PCDHGA8: variants seen among roughly 807,000 people sequenced by gnomAD.
The protein encoded by PCDHGA8 is protocadherin gamma subfamily A, 8, also known as protocadherin gamma-A8.
A neutral mutation model predicts 59.2 loss-of-function variants in PCDHGA8; 45 were observed. The observed-to-expected ratio is 0.76, with a 90% CI of 0.60 to 0.98. The LOEUF (loss-of-function observed/expected upper bound fraction) is 0.98. PCDHGA8 is among the 50% of genes least tolerant of loss of function. PCDHGA8 has a pLI of 0.00. For synonymous variants in PCDHGA8, 531 were observed against 519.0 expected, an observed-to-expected ratio of 1.02 and a Z score of -0.32; for missense variants, 1,257 against 1,196.2, an observed-to-expected ratio of 1.05 and a Z score of -0.75.
chr5:141,431,582 G>A lies in PCDHGA8; in HGVS notation c.2424+36345G>A. On this transcript the variant is annotated intron_variant, in intron 1 of 3. Coordinates refer to ENST00000398604, the MANE Select transcript of PCDHGA8 (RefSeq NM_032088.2). The surrounding 1 kb of genome is among the most constrained non-coding windows in gnomAD (Gnocchi z 4.8). Reference sequence around the variant, plus strand: ...TACCGACCCTGACGAAGGAGTCAATGCGGAAGTGAGGTATTCCTTCCGGTA... The same window carrying A: ...TACCGACCCTGACGAAGGAGTCAATACGGAAGTGAGGTATTCCTTCCGGTA... The A allele has an allele frequency of 6.2e-7, 1 of 1,614,210 alleles. No homozygotes were observed. Among genetic ancestry groups the A allele is most frequent in the Non-Finnish European group, 8.5e-7 (1 of 1,180,036 alleles).
chr5:141,492,833 C>T (rs951935267), intron 1 of PCDHGA8, among the ~76,000 whole-genome samples: 2 of 152,222 alleles, frequency 1.3e-5, no homozygotes, highest in African/African-American at 4.8e-5. Flanking sequence ...CCCTTCCTCC[C>T]GCAGGAAGTG....
At chr5:141,441,725 C>T (rs2098268012) in intron 1 of PCDHGA8, 3 of 352,332 alleles carry the variant, frequency 8.5e-6, no homozygotes. Flanking sequence ...AGGCCCGCGA[C>T]CAGGACTAGC....
At chr5:141,414,948 G>A (rs957548133) in intron 1 of PCDHGA8, 20 of 1,614,084 alleles carry the variant, frequency 1.2e-5, no homozygotes, top group South Asian at 2.2e-5. Flanking sequence ...CCGGCTACCT[G>A]GTGACCAAGG....
At chr5:141,508,096 G>A (rs1489615862) in intron 3 of PCDHGA8, 1 of 152,476 alleles carries the variant, frequency 6.6e-6, no homozygotes, top group African/African-American at 2.4e-5. Context: ...CCTTGGCCCT[G>A]GGATGGGGTA....
chr5:141,427,743 T>A, intron 1 of PCDHGA8: 5 of 1,249,166 alleles, frequency 4.0e-6, no homozygotes, highest in Non-Finnish European at 5.8e-6. Context: ...CCAAGTCTCC[T>A]ACTCCATCGT....
intron 1 of PCDHGA8, chr5:141,419,557 G>T: frequency 2.5e-6 from 4 of 1,611,872 alleles, no homozygotes; most frequent in Middle Eastern, 1.7e-4. Context: ...TGTACCCTGC[G>T]CTGGGTCCCG....
intron 1 of PCDHGA8, among the ~76,000 whole-genome samples, chr5:141,447,405 T>C (rs1045202682): frequency 6.6e-6 from 1 of 152,068 alleles, no homozygotes; most frequent in Non-Finnish European, 1.5e-5. Context: ...CCCAAAGTGC[T>C]GGGATTACAG....
Position 141,491,900 on chromosome 5 carries a change from G to A in PCDHGA8, c.2425-2907G>A, listed in dbSNP as rs1268804496. 7.0e-7 allele frequency: 1 copy of A among 1,429,818 alleles called. No individual in the cohort carries two copies. Among genetic ancestry groups the A allele is most frequent in the East Asian group, 2.5e-5 (1 of 39,444 alleles). The allele number at this position is 1,429,818 out of a possible 1,614,324, so 88.6% of individuals were successfully genotyped here. A position where few individuals can be genotyped will look rare whatever the true frequency, so the allele number is the denominator to read the frequency against. ...TAAGGGATGGGGCTCCGAGCACCGGGGGTGGTGGCGACTGTGGGCGAGGGG... is the reference window on the plus strand; with the variant it reads ...TAAGGGATGGGGCTCCGAGCACCGGAGGTGGTGGCGACTGTGGGCGAGGGG... On this transcript the variant is annotated intron_variant, in intron 1 of 3. Coordinates refer to ENST00000398604, the MANE Select transcript of PCDHGA8 (RefSeq NM_032088.2). This position sits in a 1 kb window ranked among gnomAD's most constrained non-coding sequence, Gnocchi z 6.9.
chr5:141,436,591 G>A (rs903125499), intron 1 of PCDHGA8, among the ~76,000 whole-genome samples: 8 of 152,154 alleles, frequency 5.3e-5, no homozygotes, highest in Non-Finnish European at 1.0e-4. Context: ...TTGAAAGGTC[G>A]TGGTGATGGC....
rs1591273286 is a variant in PCDHGA8, at chr5:141,433,311, T to A, written c.2424+38074T>A. 11 of 870,402 alleles carry A rather than the reference T, an allele frequency of 1.3e-5. No individual in the cohort carries two copies. The East Asian group carries it at 2.9e-4, about 23-fold the overall frequency. 53.9% of individuals were successfully genotyped at this position (870,402 alleles called of 1,614,324 possible). A position where few individuals can be genotyped will look rare whatever the true frequency, so the allele number is the denominator to read the frequency against. On this transcript the variant is annotated intron_variant, in intron 1 of 3. Coordinates refer to ENST00000398604, the MANE Select transcript of PCDHGA8 (RefSeq NM_032088.2). Reference sequence around the variant, plus strand: ...TAGGCTCAAGCAATTATCCCACCTTTGCCTCCGGTGTAACAGGGACTACAG... The same window carrying A: ...TAGGCTCAAGCAATTATCCCACCTTAGCCTCCGGTGTAACAGGGACTACAG...
intron 1 of PCDHGA8, chr5:141,430,643 T>C (rs1432236231): frequency 2.1e-6 from 2 of 947,068 alleles, no homozygotes; most frequent in Non-Finnish European, 3.0e-6. Context: ...CCTGGGAGTA[T>C]GTGGAAACAA....
At chr5:141,461,063 C>T (rs1472437531) in intron 1 of PCDHGA8, among the ~76,000 whole-genome samples, 1 of 151,796 alleles carries the variant, frequency 6.6e-6, no homozygotes, top group Non-Finnish European at 1.5e-5. Flanking sequence ...GTTGGTTTCA[C>T]ATTTTTGCAA....
intron 1 of PCDHGA8, among the ~76,000 whole-genome samples, chr5:141,400,911 CAAAG>C (rs1162228499): frequency 6.6e-6 from 1 of 152,176 alleles, no homozygotes; most frequent in Non-Finnish European, 1.5e-5. Flanking sequence ...TCTTTTAAAG[CAAAG>C]AAACTGCTAG....
At position 141,420,439 on chromosome 5, in the gene PCDHGA8, C is replaced by T. The variant is rs2096496531; in HGVS notation, c.2424+25202C>T. ...TTAAAACAAAAGTTTAAATTAAATGCCTCAGTCTTCCTACTATTCAAAGAC... is the reference window on the plus strand; with the variant it reads ...TTAAAACAAAAGTTTAAATTAAATGTCTCAGTCTTCCTACTATTCAAAGAC... On this transcript the variant is annotated intron_variant, in intron 1 of 3. Coordinates refer to ENST00000398604, the MANE Select transcript of PCDHGA8 (RefSeq NM_032088.2). 10 of 1,073,160 alleles carry T rather than the reference C, an allele frequency of 9.3e-6. No individual in the cohort carries two copies. In the South Asian group the frequency reaches 2.0e-4, roughly 22 times the overall value. The allele number at this position is 1,073,160 out of a possible 1,614,324, so 66.5% of individuals were successfully genotyped here.
rs748972821 is a variant in PCDHGA8 at position 141,476,094 on chromosome 5, GAGAGGAACT to G, written c.2425-18712_2425-18704del. ...TCTCAGGGACGATCTGGACCCCGCT[GAGAGGAACT>G]GCTTTTGAGTGAGATGGTCCCAGAG... is the stretch of plus-strand genomic sequence containing the variant. On this transcript the variant is annotated intron_variant, in intron 1 of 3. Coordinates refer to ENST00000398604, the MANE Select transcript of PCDHGA8 (RefSeq NM_032088.2). This position sits in a 1 kb window ranked among gnomAD's most constrained non-coding sequence, Gnocchi z 7.6. 6.4e-7 allele frequency: 1 copy of G among 1,568,172 alleles called. No individual in the cohort carries two copies. The highest frequency in any genetic ancestry group is 1.2e-5 in the South Asian group (1 of 85,292).
intron 1 of PCDHGA8, chr5:141,441,530 A>T (rs2154559371): frequency 5.8e-6 from 1 of 172,118 alleles, no homozygotes; most frequent in Non-Finnish European, 1.2e-5. Flanking sequence ...GCCAAGAACA[A>T]TCTTCCCAAA....
At chr5:141,508,792 C>T (rs1198342551) in intron 3 of PCDHGA8, among the ~76,000 whole-genome samples, 3 of 152,130 alleles carry the variant, frequency 2.0e-5, no homozygotes, top group Admixed American at 6.5e-5. Flanking sequence ...CTAAATCACT[C>T]TGGAATCCTG....
chr5:141,455,550 G>C lies in PCDHGA8; in HGVS notation c.2425-39257G>C, dbSNP rs1195359804. On this transcript the variant is annotated intron_variant, in intron 1 of 3. Transcript: ENST00000398604. ...ACCAGGCATATCATTCACGTAGCCC[G>C]AGAAAAAGCTGGCCCTCCCACCCCA... 2.0e-5 allele frequency among the ~76,000 whole-genome samples: 3 copies of C among 152,138 alleles called. No individual in the cohort carries two copies. In the South Asian group the frequency reaches 6.2e-4, roughly 32 times the overall value.
chr5:141,473,680 C>T (rs888876529), intron 1 of PCDHGA8, among the ~76,000 whole-genome samples: 3 of 152,100 alleles, frequency 2.0e-5, no homozygotes, highest in Non-Finnish European at 2.9e-5. Flanking sequence ...CAGGGAAGGG[C>T]TGGGGTTCTG....
Sources: gnomAD v4.1 joint callset for allele counts (sites outside exome capture counted in the v4.1 genomes callset) on GRCh38, gnomAD v4.1.1 for gene constraint, Gnocchi (gnomAD v3.1) non-coding constraint, MANE v1.5 for transcripts, NCBI Gene and HGNC (gene_info 2026-07-23, HGNC 2026-07-21) for gene names.